Variants in TAFA1 observed in about 807,000 individuals in gnomAD.
TAFA1 encodes the protein TAFA chemokine like family member 1.
A neutral mutation model predicts 18.5 loss-of-function variants in TAFA1; 4 were observed. The ratio of observed to expected loss-of-function variants is 0.22; its 90% CI spans 0.11 to 0.49. The LOEUF (loss-of-function observed/expected upper bound fraction) is 0.49. TAFA1 is among the 20% of genes least tolerant of loss of function. The pLI, the probability that TAFA1 is intolerant of heterozygous loss-of-function variation, is 0.98. For missense variants in TAFA1, 147 were observed against 169.0 expected (o/e 0.87, Z 0.72); for synonymous variants, 56 against 55.2 (o/e 1.01, Z -0.06).
chr3:68,390,592 C>T (rs746402893), intron 2 of TAFA1, among the ~76,000 whole-genome samples: 17 of 152,300 alleles, frequency 1.1e-4, no homozygotes, highest in Non-Finnish European at 1.8e-4. Flanking sequence ...TGACAGGTGC[C>T]TTATACAGGA....
At chr3:68,138,300 A>G (rs1052387262) in intron 2 of TAFA1, among the ~76,000 whole-genome samples, 1 of 152,182 alleles carries the variant, frequency 6.6e-6, no homozygotes, top group Non-Finnish European at 1.5e-5. Flanking sequence ...ATCCCTTCAG[A>G]TTTTAGGTGC....
rs1396564690 is a variant in TAFA1, at chr3:68,262,334, T to C, written c.119-154946T>C. Among the ~76,000 whole-genome samples, 5 of 95,788 alleles carry C rather than the reference T, an allele frequency of 5.2e-5. No homozygotes were observed. In the East Asian group the frequency reaches 2.3e-3, roughly 43 times the overall value. 62.8% of individuals were successfully genotyped at this position (95,788 alleles called of 152,430 possible). On this transcript the variant is annotated intron_variant, in intron 2 of 4. Transcript: ENST00000478136. Reference sequence around the variant, plus strand: ...ATATATATATATATATATATATATATATATATATATATATATATATATATT... The same window carrying C: ...ATATATATATATATATATATATATACATATATATATATATATATATATATT...
chr3:68,428,783 C>T (rs1351144676), intron 3 of TAFA1, among the ~76,000 whole-genome samples: 2 of 151,926 alleles, frequency 1.3e-5, no homozygotes, highest in African/African-American at 4.8e-5. Flanking sequence ...ATTAACTAGA[C>T]ACTCATTCAA....
chr3:68,387,395 G>A (rs115234451), intron 2 of TAFA1, among the ~76,000 whole-genome samples: 51 of 152,062 alleles, frequency 3.4e-4, no homozygotes, highest in Non-Finnish European at 2.4e-4. Flanking sequence ...TTGATTAAAC[G>A]TAATGTTCGT....
Position 68,212,048 on chromosome 3 carries a change from A to T in TAFA1, c.119-205232A>T, listed in dbSNP as rs150254740. Among the ~76,000 whole-genome samples the T allele has an allele frequency of 4.6e-3, 700 of 152,142 alleles. 7 individuals are homozygous for T. The highest frequency in any genetic ancestry group is 0.016 in the African/African-American group (673 of 41,538). On this transcript the variant is annotated intron_variant, in intron 2 of 4. Transcript: ENST00000478136. The stretch of plus-strand genomic sequence containing the variant: ...TCATAATAAAGATAAAAGCATTGAG[A>T]TGGAAAATAAGTGGTAAGTGGAGGT...
intron 3 of TAFA1, among the ~76,000 whole-genome samples, chr3:68,457,913 A>G (rs187395829): frequency 6.6e-6 from 1 of 152,260 alleles, no homozygotes; most frequent in African/African-American, 2.4e-5. Context: ...TTCTGATGAC[A>G]TTGTCCCATA....
chr3:68,540,865 A>G (rs2073361624), intron 4 of TAFA1, among the ~76,000 whole-genome samples: 1 of 152,176 alleles, frequency 6.6e-6, no homozygotes, highest in East Asian at 1.9e-4. Flanking sequence ...GCCTCTGTAG[A>G]GTACATTTTA....
chr3:68,056,966 A>G (rs1193427687), intron 2 of TAFA1, among the ~76,000 whole-genome samples: 1 of 152,144 alleles, frequency 6.6e-6, no homozygotes, highest in Non-Finnish European at 1.5e-5. Flanking sequence ...TTAAGTTGAC[A>G]TCATCATAGT....
chr3:68,270,358 A>C lies in TAFA1; in HGVS notation c.119-146922A>C, dbSNP rs1278286147. ...AATATTTTGAGATGACTCTTGTTGC[A>C]TTTGGTGTGTTTGTGTCCAGAAGAA... is the stretch of plus-strand genomic sequence containing the variant. On this transcript the variant is annotated intron_variant, in intron 2 of 4. Transcript: ENST00000478136. Among the ~76,000 whole-genome samples the C allele has an allele frequency of 2.0e-5, 3 of 152,092 alleles. No homozygotes were observed. The East Asian group carries it at 5.8e-4, about 29-fold the overall frequency.
chr3:68,333,819 G>A (rs577147079), intron 2 of TAFA1, among the ~76,000 whole-genome samples: 7 of 152,272 alleles, frequency 4.6e-5, no homozygotes, highest in Admixed American at 4.6e-4. Context: ...ATATTATTCA[G>A]CCTTACAAAA....
At chr3:68,139,961 T>A (rs1395889071) in intron 2 of TAFA1, among the ~76,000 whole-genome samples, 1 of 152,196 alleles carries the variant, frequency 6.6e-6, no homozygotes. Context: ...TAGTACCTCA[T>A]GGAGTGGTTG....
chr3:68,106,543 G>T (rs143385473), intron 2 of TAFA1, among the ~76,000 whole-genome samples: 4 of 152,036 alleles, frequency 2.6e-5, no homozygotes, highest in Admixed American at 1.3e-4. Flanking sequence ...GTAAGGCAAC[G>T]ATTTCTTAGG....
intron 2 of TAFA1, among the ~76,000 whole-genome samples, chr3:68,113,892 TTTTTG>T (rs550026639): frequency 0.051 from 758 of 14,758 alleles, 47 homozygotes; most frequent in African/African-American, 0.096. Context: ...GGTGTAGTTT[TTTTTG>T]TTTTTTTTTT....
At chr3:68,139,033 G>T (rs1250275972) in intron 2 of TAFA1, among the ~76,000 whole-genome samples, 2 of 152,252 alleles carry the variant, frequency 1.3e-5, no homozygotes, top group Middle Eastern at 3.4e-3. Flanking sequence ...TGACCATGTA[G>T]AAACAGGCAG....
chr3:68,196,059 C>G (rs1314969723), intron 2 of TAFA1, among the ~76,000 whole-genome samples: 1 of 151,660 alleles, frequency 6.6e-6, no homozygotes, highest in African/African-American at 2.4e-5. Flanking sequence ...CCACAGATCA[C>G]AAAGCTGAGG....
chr3:68,100,027 T>G (rs946649735), intron 2 of TAFA1, among the ~76,000 whole-genome samples: 36 of 152,058 alleles, frequency 2.4e-4, no homozygotes, highest in African/African-American at 8.2e-4. Context: ...GGACAAGAGC[T>G]GAAAATCTCC....
Position 68,414,094 on chromosome 3 carries a change from C to T in TAFA1, c.119-3186C>T, listed in dbSNP as rs142419669. 2.6e-3 allele frequency among the ~76,000 whole-genome samples: 397 copies of T among 152,130 alleles called. 1 individual carries two copies. Among genetic ancestry groups the T allele is most frequent in the African/African-American group, 8.9e-3 (369 of 41,502 alleles). ...CCGAGACGGGTGGATCACCTGAGGTCGGGAGTTCGAGACCATCCTGACCAA... is the reference window on the plus strand; with the variant it reads ...CCGAGACGGGTGGATCACCTGAGGTTGGGAGTTCGAGACCATCCTGACCAA... On this transcript the variant is annotated intron_variant, in intron 2 of 4. Coordinates refer to ENST00000478136, the MANE Select transcript of TAFA1 (RefSeq NM_213609.4).
chr3:68,032,122 G>T (rs986369020), intron 2 of TAFA1, among the ~76,000 whole-genome samples: 1 of 151,554 alleles, frequency 6.6e-6, no homozygotes, highest in Non-Finnish European at 1.5e-5. Context: ...TTTGGTTTTT[G>T]GCTGCCTGAT....
chr3:68,426,484 A>G (rs1332410181), intron 3 of TAFA1, among the ~76,000 whole-genome samples: 1 of 151,944 alleles, frequency 6.6e-6, no homozygotes. Context: ...ACTGAAAGAA[A>G]TAAAAATGGC....
Sources: allele counts gnomAD v4.1 joint callset (sites outside exome capture counted in the v4.1 genomes callset), GRCh38; gene constraint gnomAD v4.1.1; transcripts MANE v1.5; gene names NCBI Gene and HGNC (gene_info 2026-07-23, HGNC 2026-07-21).